The following SMARCAD1 variants were observed in gnomAD, a reference collection of about 807,000 sequenced individuals.
SMARCAD1 encodes SNF2 related chromatin remodeling ATPase with DExD box 1.
In SMARCAD1, 25 loss-of-function variants were observed where a neutral mutation model predicts 127.1. That is an observed-to-expected ratio of 0.20 (90% CI 0.14 to 0.27). The LOEUF (loss-of-function observed/expected upper bound fraction) is 0.27, where lower values mean the gene tolerates loss of function less well. Ranked by LOEUF, SMARCAD1 falls within the 10% of genes least tolerant of loss-of-function variation. SMARCAD1 has a pLI of 1.00. For missense variants in SMARCAD1, 807 were observed against 1,206.0 expected (o/e 0.67, Z 4.90); for synonymous variants, 400 against 396.9 (o/e 1.01, Z -0.09).
At chr4:94,289,350 AC>A in intron 23 of SMARCAD1, 122 bp from the exon 24 acceptor site, 1 of 834,434 alleles carries the variant, frequency 1.2e-6, no homozygotes, top group Non-Finnish European at 2.0e-6. Context: ...GGTGAGTGAC[AC>A]TGAAGCAAAC....
At chr4:94,271,994 C>G (rs1752597590) in intron 11 of SMARCAD1, among the ~76,000 whole-genome samples, 1 of 152,184 alleles carries the variant, frequency 6.6e-6, no homozygotes, top group South Asian at 2.1e-4. Context: ...GTGGCTTAAA[C>G]AACAGAAATT....
At chr4:94,230,932 A>G (rs1745744014) in intron 3 of SMARCAD1, among the ~76,000 whole-genome samples, 2 of 152,162 alleles carry the variant, frequency 1.3e-5, no homozygotes, top group African/African-American at 4.8e-5. Context: ...GGTGGGGCCA[A>G]ATTTTCAAGG....
intron 6 of SMARCAD1, among the ~76,000 whole-genome samples, chr4:94,244,224 T>C (rs571685945): frequency 6.6e-6 from 1 of 152,310 alleles, no homozygotes; most frequent in Non-Finnish European, 1.5e-5. Flanking sequence ...AAAATAGAAG[T>C]CACTGTACCC....
intron 14 of SMARCAD1, among the ~76,000 whole-genome samples, chr4:94,276,112 T>C (rs1188703219): frequency 6.6e-6 from 1 of 152,146 alleles, no homozygotes; most frequent in East Asian, 1.9e-4. Context: ...ACATTTTCTT[T>C]CAATTATGTA....
chr4:94,290,068 C>G lies in SMARCAD1; in HGVS notation c.*534C>G, dbSNP rs1353059445. ...AGATGTTCACCAATGTCAGCAAGAA[C>G]TCAACCTGAATTTAAAGGTGGCATT... On this transcript the variant is annotated 3_prime_UTR_variant, in exon 24 of 24. Transcript: ENST00000354268. The G allele has an allele frequency of 4.4e-6, 2 of 454,464 alleles. No homozygotes were observed. 28.2% of individuals were successfully genotyped at this position (454,464 alleles called of 1,614,324 possible). A position where few individuals can be genotyped will look rare whatever the true frequency, so the allele number is the denominator to read the frequency against.
At chr4:94,272,891 C>T (rs1386880854) in intron 11 of SMARCAD1, among the ~76,000 whole-genome samples, 3 of 152,084 alleles carry the variant, frequency 2.0e-5, no homozygotes, top group Admixed American at 1.3e-4. Context: ...ACTGCAGCCT[C>T]GACCTCTTGA....
intron 23 of SMARCAD1, among the ~76,000 whole-genome samples, chr4:94,285,371 A>AGT (rs1754784347): frequency 6.6e-6 from 1 of 152,150 alleles, no homozygotes; most frequent in South Asian, 2.1e-4. Context: ...AGAGGTGACA[A>AGT]GTGTTAGCCT....
At chr4:94,253,416 A>G (rs1440090597) in intron 9 of SMARCAD1, 9 of 1,241,760 alleles carry the variant, frequency 7.2e-6, no homozygotes, top group Middle Eastern at 2.2e-4. Flanking sequence ...CTTGAAGAGC[A>G]ATAGCAACGG....
intron 2 of SMARCAD1, among the ~76,000 whole-genome samples, chr4:94,214,266 T>G (rs1311154731): frequency 3.7e-5 from 1 of 27,372 alleles, no homozygotes; most frequent in Non-Finnish European, 5.9e-5. Context: ...CGTTCTTTTG[T>G]TTTTTTTTTT....
At chr4:94,284,525 A>G (rs189037800) in intron 22 of SMARCAD1, among the ~76,000 whole-genome samples, 2 of 149,326 alleles carry the variant, frequency 1.3e-5, no homozygotes, top group East Asian at 4.0e-4. Context: ...TAGCCTCCCA[A>G]CTGCTAGGAT....
At chr4:94,280,022 G>A (rs1015710837) in intron 19 of SMARCAD1, among the ~76,000 whole-genome samples, 25 of 151,764 alleles carry the variant, frequency 1.6e-4, no homozygotes, top group African/African-American at 5.3e-4. Context: ...CTACCACTAC[G>A]CCCAGCTAAT....
At chr4:94,248,110 T>A (rs1233922367) in intron 6 of SMARCAD1, among the ~76,000 whole-genome samples, 1 of 152,228 alleles carries the variant, frequency 6.6e-6, no homozygotes, top group Admixed American at 6.5e-5. Context: ...TTGATTTTTC[T>A]GATTCCACAT....
intron 3 of SMARCAD1, among the ~76,000 whole-genome samples, chr4:94,227,426 G>A (rs1280453192): frequency 1.3e-5 from 2 of 152,152 alleles, no homozygotes; most frequent in Non-Finnish European, 2.9e-5. Flanking sequence ...CATAAATATT[G>A]TTGTAATAAC....
intron 6 of SMARCAD1, among the ~76,000 whole-genome samples, chr4:94,244,333 T>C (rs1048887531): frequency 5.9e-5 from 9 of 152,228 alleles, no homozygotes; most frequent in Admixed American, 1.3e-4. Context: ...CCTAAGCCTT[T>C]GGCTGTCAGA....
At chr4:94,233,467 G>C (rs1746155936) in intron 3 of SMARCAD1, among the ~76,000 whole-genome samples, 1 of 152,140 alleles carries the variant, frequency 6.6e-6, no homozygotes, top group African/African-American at 2.4e-5. Context: ...GAAATGTTTT[G>C]TTTCTGGCAG....
At chr4:94,213,804 T>C (rs967137829) in intron 2 of SMARCAD1, among the ~76,000 whole-genome samples, 2 of 152,142 alleles carry the variant, frequency 1.3e-5, no homozygotes, top group African/African-American at 4.8e-5. Flanking sequence ...AAAATTATGT[T>C]GTGTTTGCAT....
At chr4:94,243,802 A>G (rs936567303) in intron 6 of SMARCAD1, among the ~76,000 whole-genome samples, 51 of 152,298 alleles carry the variant, frequency 3.3e-4, no homozygotes, top group African/African-American at 1.2e-3. Flanking sequence ...GTGATATGCT[A>G]TTCTTTGACA....
At chr4:94,285,700 T>C (rs1042452698) in intron 23 of SMARCAD1, among the ~76,000 whole-genome samples, 1 of 152,206 alleles carries the variant, frequency 6.6e-6, no homozygotes, top group South Asian at 2.1e-4. Context: ...ATCAAATAAT[T>C]ACTAGTCTTT....
intron 11 of SMARCAD1, among the ~76,000 whole-genome samples, chr4:94,272,953 A>G (rs898509868): frequency 1.3e-5 from 2 of 151,552 alleles, no homozygotes; most frequent in South Asian, 4.2e-4. Flanking sequence ...GATCACAGAC[A>G]TGCGCCACCA....
Sources: gnomAD v4.1 joint callset for allele counts (sites outside exome capture counted in the v4.1 genomes callset) on GRCh38, gnomAD v4.1.1 for gene constraint, MANE v1.5 for transcripts, NCBI Gene and HGNC (gene_info 2026-07-23, HGNC 2026-07-21) for gene names.